PRORP: variants seen among roughly 807,000 people sequenced by gnomAD.
The protein encoded by PRORP is mitochondrial ribonuclease P catalytic subunit.
A neutral mutation model predicts 59.4 loss-of-function variants in PRORP; 51 were observed. The observed-to-expected ratio is 0.86, with a 90% CI of 0.69 to 1.08. PRORP has a LOEUF of 1.08. Ranked by LOEUF, PRORP falls within the 50% of genes least tolerant of loss-of-function variation. The pLI is 0.00. For missense variants in PRORP, 646 were observed against 690.3 expected, an observed-to-expected ratio of 0.94 and a Z score of 0.72; for synonymous variants, 231 against 245.6, an observed-to-expected ratio of 0.94 and a Z score of 0.55.
At chr14:35,131,395 A>T (rs575577507) in intron 4 of PRORP, among the ~76,000 whole-genome samples, 23 of 152,294 alleles carry the variant, frequency 1.5e-4, no homozygotes, top group African/African-American at 5.5e-4. Flanking sequence ...TTCTGGGGTA[A>T]AAGTGTTTTT....
intron 5 of PRORP, among the ~76,000 whole-genome samples, chr14:35,247,305 C>A (rs2050510289): frequency 6.6e-6 from 1 of 152,068 alleles, no homozygotes; most frequent in Non-Finnish European, 1.5e-5. Context: ...TCTCTCCCTC[C>A]CTCCCTTCCT....
At chr14:35,271,333 A>G (rs1163193835) in intron 7 of PRORP, among the ~76,000 whole-genome samples, 1 of 151,224 alleles carries the variant, frequency 6.6e-6, no homozygotes, top group Non-Finnish European at 1.5e-5. Context: ...TAATTTTTGT[A>G]TTTTTAGTAG....
chr14:35,220,618 AGACTGAG>A (rs149820973), intron 5 of PRORP, among the ~76,000 whole-genome samples: 9,265 of 152,248 alleles, frequency 0.061, 356 homozygotes, highest in Middle Eastern at 0.11. Context: ...CAAACAAAAA[AGACTGAG>A]GAACAGCAAT....
At chr14:35,125,533 A>C (rs1250840412) in intron 2 of PRORP, among the ~76,000 whole-genome samples, 1 of 152,090 alleles carries the variant, frequency 6.6e-6, no homozygotes, top group African/African-American at 2.4e-5. Flanking sequence ...TTATTTCTTC[A>C]TTAATTTGCT....
At chr14:35,152,002 G>C (rs2047766670) in intron 4 of PRORP, among the ~76,000 whole-genome samples, 1 of 150,504 alleles carries the variant, frequency 6.6e-6, no homozygotes. Flanking sequence ...CAGGGTCATA[G>C]GACAATAGTG....
intron 5 of PRORP, among the ~76,000 whole-genome samples, chr14:35,229,186 G>A (rs1327890968): frequency 6.6e-6 from 1 of 152,078 alleles, no homozygotes; most frequent in African/African-American, 2.4e-5. Context: ...ATAGATTCCT[G>A]GATATTAGAT....
At chr14:35,137,700 A>G (rs1198723360) in intron 4 of PRORP, among the ~76,000 whole-genome samples, 1 of 145,514 alleles carries the variant, frequency 6.9e-6, no homozygotes, top group African/African-American at 2.4e-5. Flanking sequence ...CACCAAGAGC[A>G]GAGGTAGTAA....
At chr14:35,155,225 A>G (rs1172825145) in intron 4 of PRORP, among the ~76,000 whole-genome samples, 1 of 152,176 alleles carries the variant, frequency 6.6e-6, no homozygotes, top group African/African-American at 2.4e-5. Context: ...AAACACTGAA[A>G]TATTTATGGA....
chr14:35,163,285 A>G (rs2048106291), intron 4 of PRORP, among the ~76,000 whole-genome samples: 1 of 152,166 alleles, frequency 6.6e-6, no homozygotes, highest in Admixed American at 6.5e-5. Flanking sequence ...AAAAATGTAT[A>G]CATAAAAAAA....
chr14:35,270,481 G>A lies in PRORP; in HGVS notation c.1505G>A (p.Arg502Gln), dbSNP rs748210427. 18 of 1,614,088 alleles carry A rather than the reference G, an allele frequency of 1.1e-5. No homozygotes were observed. Among genetic ancestry groups the A allele is most frequent in the South Asian group, 3.3e-5 (3 of 91,084 alleles). Residue 502 changes from arginine (R) to glutamine (Q), a missense_variant, in exon 7 of 8, where the codon CGG becomes CAG. By Grantham distance (43) the Arg-to-Gln change is conservative. Transcript: ENST00000534898. ...AGGTTTATCACAAGAGACCTGATGC[G>A]GGACCACAAGGCCTGTCTGCCTGAT... ...HCRFITRDLM[R>Q]DHKACLPDAK...
chr14:35,164,487 A>G (rs568275777), intron 4 of PRORP, among the ~76,000 whole-genome samples: 14 of 152,376 alleles, frequency 9.2e-5, no homozygotes, highest in African/African-American at 3.1e-4. Flanking sequence ...CCTTCACAGC[A>G]ACATGGATGG....
Position 35,203,863 on chromosome 14 carries a change from G to A in PRORP, c.1275+23086G>A, listed in dbSNP as rs548906118. Among the ~76,000 whole-genome samples the A allele has an allele frequency of 1.4e-4, 21 of 151,636 alleles. No homozygotes were observed. In the East Asian group the frequency reaches 3.3e-3, roughly 24 times the overall value. On this transcript the variant is annotated intron_variant, in intron 5 of 7. Transcript: ENST00000534898. ...CTGGGCGACAGCGAGACTCCATCTCGAAAAAAAAGATATTCTTTTGATAGA... is the reference window on the plus strand; with the variant it reads ...CTGGGCGACAGCGAGACTCCATCTCAAAAAAAAAGATATTCTTTTGATAGA...
At chr14:35,169,237 A>T (rs1386581686) in intron 4 of PRORP, among the ~76,000 whole-genome samples, 1 of 151,974 alleles carries the variant, frequency 6.6e-6, no homozygotes, top group Non-Finnish European at 1.5e-5. Context: ...CCCTTGGGTT[A>T]TTGAGAACTG....
At chr14:35,152,829 G>A (rs1473390897) in intron 4 of PRORP, among the ~76,000 whole-genome samples, 4 of 151,682 alleles carry the variant, frequency 2.6e-5, no homozygotes, top group Admixed American at 6.6e-5. Context: ...CATCTCAGAC[G>A]GTGGGCGGCC....
intron 5 of PRORP, among the ~76,000 whole-genome samples, chr14:35,207,067 T>A (rs1406341569): frequency 6.6e-6 from 1 of 152,100 alleles, no homozygotes; most frequent in Non-Finnish European, 1.5e-5. Context: ...CTTTTTAAAT[T>A]TTTCTTCCCA....
At chr14:35,166,597 G>A (rs1450554233) in intron 4 of PRORP, among the ~76,000 whole-genome samples, 2 of 151,800 alleles carry the variant, frequency 1.3e-5, no homozygotes, top group Non-Finnish European at 2.9e-5. Flanking sequence ...CTACAGGCGC[G>A]TGCCACCACG....
intron 5 of PRORP, among the ~76,000 whole-genome samples, chr14:35,246,646 AG>A (rs2050492968): frequency 1.3e-5 from 2 of 152,258 alleles, no homozygotes; most frequent in South Asian, 4.1e-4. Context: ...TTGTGATTTT[AG>A]AAGGTCTATA....
chr14:35,224,903 C>A (rs1172822963), intron 5 of PRORP, among the ~76,000 whole-genome samples: 1 of 151,672 alleles, frequency 6.6e-6, no homozygotes, highest in Non-Finnish European at 1.5e-5. Context: ...TTTTTGGTCA[C>A]ATGTGTTCTG....
chr14:35,148,830 C>T (rs2138878217), intron 4 of PRORP, among the ~76,000 whole-genome samples: 1 of 151,962 alleles, frequency 6.6e-6, no homozygotes, highest in East Asian at 1.9e-4. Context: ...GCTGCTTCAC[C>T]TTGCACTTTT....
Sources: allele counts gnomAD v4.1 joint callset (sites outside exome capture counted in the v4.1 genomes callset), GRCh38; gene constraint gnomAD v4.1.1; transcripts MANE v1.5; gene names NCBI Gene and HGNC (gene_info 2026-07-23, HGNC 2026-07-21).